The following UTS2B variants were observed in gnomAD, a reference collection of about 807,000 sequenced individuals.
UTS2B encodes urotensin-2B.
Under a neutral mutation model 19.2 loss-of-function variants are expected in UTS2B, and 21 were observed. That is an observed-to-expected ratio of 1.09 (90% CI 0.78 to 1.58). UTS2B has a LOEUF of 1.58. Ranked by LOEUF, UTS2B falls within the 40% of genes most tolerant of loss-of-function variation. UTS2B has a pLI of 0.00. For synonymous variants in UTS2B, 57 were observed against 50.2 expected, an observed-to-expected ratio of 1.14 and a Z score of -0.58; for missense variants, 138 against 130.3, an observed-to-expected ratio of 1.06 and a Z score of -0.29.
intron 3 of UTS2B, among the ~76,000 whole-genome samples, chr3:191,314,251 A>G (rs533621661): frequency 6.6e-6 from 1 of 152,090 alleles, no homozygotes; most frequent in Non-Finnish European, 1.5e-5. Flanking sequence ...CACGTTACAT[A>G]TATGCAGTAC....
intron 4 of UTS2B, among the ~76,000 whole-genome samples, chr3:191,287,502 A>G (rs1409041468): frequency 6.6e-6 from 1 of 152,108 alleles, no homozygotes; most frequent in African/African-American, 2.4e-5. Context: ...GAACAAAACT[A>G]TACAATAATT....
At chr3:191,339,412 A>G in the UTS2B span, among the ~76,000 whole-genome samples, 1 of 152,210 alleles carries the variant, frequency 6.6e-6, no homozygotes, top group African/African-American at 2.4e-5. Context: ...AAGTGAGGCA[A>G]GTGATTCCTT....
chr3:191,276,938 T>G, intron 6 of UTS2B, 94 bp from the exon 7 acceptor site: 1 of 1,124,514 alleles, frequency 8.9e-7, no homozygotes, highest in Non-Finnish European at 1.3e-6. Flanking sequence ...GTAGAAAGCA[T>G]AGGTCTTTTT....
rs967737842 is a variant in UTS2B at position 191,304,191 on chromosome 3, C to G, written c.-125+301G>C. On this transcript the variant is annotated intron_variant, in intron 4 of 8. Coordinates refer to ENST00000340524, the MANE Select transcript of UTS2B (RefSeq NM_198152.5). ...CAGGCTGGTCAAGAACTCCTGACCT[C>G]AAGTGATCCACCTGCCTCGGCCTCC... Among the ~76,000 whole-genome samples, 5 of 152,184 alleles carry G rather than the reference C, an allele frequency of 3.3e-5. No individual in the cohort carries two copies. The South Asian group carries it at 1.0e-3, about 32-fold the overall frequency.
rs1434258074 is a variant in UTS2B at position 191,305,611 on chromosome 3, T to C, written c.-181-1063A>G. Among the ~76,000 whole-genome samples the C allele has an allele frequency of 2.6e-5, 4 of 152,298 alleles. No homozygotes were observed. The South Asian group carries it at 8.3e-4, about 32-fold the overall frequency. On this transcript the variant is annotated intron_variant, in intron 3 of 8. Coordinates refer to ENST00000340524, the MANE Select transcript of UTS2B (RefSeq NM_198152.5). ...AAAAATTTTTCTCCCATTATGTAGGTTATTTACTCTGTTGATAGTTTCTTT... is the reference window on the plus strand; with the variant it reads ...AAAAATTTTTCTCCCATTATGTAGGCTATTTACTCTGTTGATAGTTTCTTT...
chr3:191,331,039 A>G (rs943507250), upstream of UTS2B, among the ~76,000 whole-genome samples: 4 of 152,216 alleles, frequency 2.6e-5, no homozygotes, highest in Non-Finnish European at 2.9e-5. Flanking sequence ...TGTCAAGACT[A>G]AGGAGGCTGA....
At chr3:191,339,355 T>C in the UTS2B span, among the ~76,000 whole-genome samples, 1 of 152,198 alleles carries the variant, frequency 6.6e-6, no homozygotes, top group Non-Finnish European at 1.5e-5. Context: ...GGAGTTATGA[T>C]ATAAAATTTT....
rs1203399655 is a variant in UTS2B, at chr3:191,267,652, G to C, written c.*764C>G. 6.6e-6 allele frequency: 1 copy of C among 152,224 alleles called. No homozygotes were observed. The highest frequency in any genetic ancestry group is 1.5e-5 in the Non-Finnish European group (1 of 68,050). The allele number at this position is 152,224 out of a possible 1,614,324, so 9.4% of individuals were successfully genotyped here. On this transcript the variant is annotated 3_prime_UTR_variant, in exon 9 of 9. Transcript: ENST00000340524. ...CAGCATTTATTATTAAGTTTAGCAAGGGCAGGGGTAGGTTAATGAGGGATT... is the reference window on the plus strand; with the variant it reads ...CAGCATTTATTATTAAGTTTAGCAACGGCAGGGGTAGGTTAATGAGGGATT...
At chr3:191,316,587 C>T (rs78997201) in intron 2 of UTS2B, 148 bp from the exon 3 acceptor site, 5,531 of 152,274 alleles carry the variant, frequency 0.036, 261 homozygotes, top group East Asian at 0.21. Flanking sequence ...CTGATTGGTC[C>T]GTTTTACAAA....
the UTS2B span, among the ~76,000 whole-genome samples, chr3:191,340,600 T>C: frequency 1.6e-4 from 25 of 152,196 alleles, no homozygotes; most frequent in Admixed American, 1.6e-3. Flanking sequence ...AATTACATAA[T>C]CTTCACATAG....
chr3:191,343,287 T>G, the UTS2B span, among the ~76,000 whole-genome samples: 2 of 152,204 alleles, frequency 1.3e-5, no homozygotes, highest in South Asian at 4.1e-4. Flanking sequence ...TGTTTAAGAT[T>G]ATTTAGTTGG....
intron 3 of UTS2B, among the ~76,000 whole-genome samples, chr3:191,314,561 T>C (rs1367269626): frequency 6.6e-6 from 1 of 152,240 alleles, no homozygotes; most frequent in Non-Finnish European, 1.5e-5. Flanking sequence ...ATCTTTAGAC[T>C]GTTTTGTATG....
intron 2 of UTS2B, among the ~76,000 whole-genome samples, chr3:191,318,967 T>C (rs1238043445): frequency 6.6e-6 from 1 of 151,990 alleles, no homozygotes; most frequent in East Asian, 1.9e-4. Context: ...GAAAAACTTT[T>C]ATTTTATATA....
chr3:191,291,902 A>T (rs79351332), intron 4 of UTS2B, among the ~76,000 whole-genome samples: 20 of 152,250 alleles, frequency 1.3e-4, no homozygotes, highest in African/African-American at 4.8e-4. Context: ...GTAGCTTGTC[A>T]TAGATGTATG....
intron 3 of UTS2B, among the ~76,000 whole-genome samples, chr3:191,312,575 C>A (rs1030498886): frequency 6.6e-6 from 1 of 152,194 alleles, no homozygotes; most frequent in Admixed American, 6.5e-5. Flanking sequence ...TCAATTGCAA[C>A]AGCCACTTGA....
chr3:191,294,988 G>A (rs866084933), intron 4 of UTS2B, among the ~76,000 whole-genome samples: 16 of 151,844 alleles, frequency 1.1e-4, no homozygotes, highest in Middle Eastern at 3.4e-3. Flanking sequence ...CTGAGATCGC[G>A]CCACTGCACT....
At chr3:191,278,249 T>C (rs1716292402) in intron 5 of UTS2B, 79 bp from the exon 6 acceptor site, 1 of 698,830 alleles carries the variant, frequency 1.4e-6, no homozygotes, top group Admixed American at 3.5e-5. Context: ...CAGGCTACTA[T>C]CAATTTGTAT....
At chr3:191,305,054 T>C (rs1346361816) in intron 3 of UTS2B, among the ~76,000 whole-genome samples, 2 of 152,226 alleles carry the variant, frequency 1.3e-5, no homozygotes, top group Admixed American at 1.3e-4. Flanking sequence ...ATGTACATTT[T>C]ATCCAGTCTA....
chr3:191,322,044 AT>A (rs1230374332), intron 2 of UTS2B, among the ~76,000 whole-genome samples: 2 of 137,482 alleles, frequency 1.5e-5, no homozygotes, highest in East Asian at 4.6e-4. Context: ...ATATATACAT[AT>A]ATATGTGTGT....
Sources: gnomAD v4.1 joint callset for allele counts (sites outside exome capture counted in the v4.1 genomes callset) on GRCh38, gnomAD v4.1.1 for gene constraint, MANE v1.5 for transcripts, NCBI Gene and HGNC (gene_info 2026-07-23, HGNC 2026-07-21) for gene names.